Variants in HYDIN observed in about 807,000 individuals in gnomAD.
The protein encoded by HYDIN is HYDIN axonemal central pair apparatus protein.
In HYDIN, 132 loss-of-function variants were observed where a neutral mutation model predicts 403.9. The ratio of observed to expected loss-of-function variants is 0.33; its 90% CI spans 0.28 to 0.38. HYDIN has a LOEUF of 0.38. Ranked by LOEUF, HYDIN falls within the 10% of genes least tolerant of loss-of-function variation. HYDIN has a pLI of 1.00. For synonymous variants in HYDIN, 1,202 were observed against 1,891.7 expected (o/e 0.64, Z 9.46); for missense variants, 2,827 against 5,009.5 (o/e 0.56, Z 13.15).
chr16:70,945,674 G>A (rs1330883624), intron 41 of HYDIN, among the ~76,000 whole-genome samples: 5 of 152,192 alleles, frequency 3.3e-5, no homozygotes, highest in Admixed American at 1.3e-4. Flanking sequence ...TTGCTAATGA[G>A]GTAGAAGGGA....
At position 70,906,312 on chromosome 16, in the gene HYDIN, T is replaced by C. The variant is rs537871063; in HGVS notation, c.8516+1060A>G. On this transcript the variant is annotated intron_variant, in intron 50 of 85. Coordinates refer to ENST00000393567, the MANE Select transcript of HYDIN (RefSeq NM_001270974.2). ...TCTATTTCCTCAAGATTTTAAACTT[T>C]CGCCACTCCCCTCACTTGCAATGGA... Among the ~76,000 whole-genome samples the C allele has an allele frequency of 9.2e-5, 14 of 151,748 alleles. No homozygotes were observed. The South Asian group carries it at 2.3e-3, about 25-fold the overall frequency.
At chr16:70,831,267 T>C (rs1597066680) in intron 80 of HYDIN, among the ~76,000 whole-genome samples, 1 of 151,878 alleles carries the variant, frequency 6.6e-6, no homozygotes, top group African/African-American at 2.4e-5. Context: ...CCCAGCACTT[T>C]GGGAGGCCAA....
At chr16:70,978,266 T>A in intron 30 of HYDIN, among the ~76,000 whole-genome samples, 1 of 150,884 alleles carries the variant, frequency 6.6e-6, no homozygotes, top group African/African-American at 2.4e-5. Context: ...TCTTGACCAT[T>A]CCACTTCTGG....
chr16:71,141,189 G>T (rs1263309757), intron 7 of HYDIN, among the ~76,000 whole-genome samples: 1 of 148,292 alleles, frequency 6.7e-6, no homozygotes, highest in African/African-American at 2.5e-5. Flanking sequence ...ATGCACACTG[G>T]AATTTAGTAT....
At chr16:71,151,395 G>T (rs1231421563) in intron 7 of HYDIN, among the ~76,000 whole-genome samples, 1 of 151,784 alleles carries the variant, frequency 6.6e-6, no homozygotes, top group Non-Finnish European at 1.5e-5. Flanking sequence ...CAGCAACTCT[G>T]AACTACACTC....
At position 71,129,717 on chromosome 16, in the gene HYDIN, T is replaced by C; in HGVS notation, c.1150A>G (p.Thr384Ala). Residue 384 changes from threonine to alanine, a missense_variant, in exon 9 of 86, where the codon ACC becomes GCC. By Grantham distance (58) the Thr-to-Ala change is moderately conservative (BLOSUM62 0). Coordinates refer to ENST00000393567, the MANE Select transcript of HYDIN (RefSeq NM_001270974.2). ...ACCAGCCTCCTCTGATTCGCAAAGG[T>C]TCGGGACAGAACAGAAAGATGTTCT... ...LREHLSVLSR[T>A]FANQRRLVQG... The C allele has an allele frequency of 6.2e-7, 1 of 1,614,172 alleles. No homozygotes were observed.
At chr16:71,107,114 A>G (rs1597792777) in intron 10 of HYDIN, among the ~76,000 whole-genome samples, 1 of 140,162 alleles carries the variant, frequency 7.1e-6, no homozygotes, top group East Asian at 2.3e-4. Context: ...ATGAGAACAC[A>G]TGGACACAGG....
chr16:70,863,133 A>T lies in HYDIN; in HGVS notation c.11521T>A (p.Ser3841Thr). Residue 3841 changes from serine to threonine, a missense_variant, in exon 68 of 86, where the codon TCA becomes ACA. Transcript: ENST00000393567. ...GRVQLEFSWVSEDTSKAVSFA... is the reference protein window; with the variant it reads ...GRVQLEFSWVTEDTSKAVSFA... ...CTGACTGCCTTTGAGGTATCTTCTG[A>T]GACCCAGCTGAATTCCAGCTGGACA... 1 of 1,614,140 alleles carries T rather than the reference A, an allele frequency of 6.2e-7. No individual in the cohort carries two copies. Among genetic ancestry groups the T allele is most frequent in the South Asian group, 1.1e-5 (1 of 91,078 alleles).
chr16:70,903,403 T>C (rs2143761940), intron 52 of HYDIN, among the ~76,000 whole-genome samples: 1 of 125,550 alleles, frequency 8.0e-6, no homozygotes. Flanking sequence ...GGGGGGTCCT[T>C]GGCCCTGCTG....
At chr16:70,829,594 G>A (rs757242985) in intron 81 of HYDIN, 24 bp downstream of exon 81, 1 of 1,597,060 alleles carries the variant, frequency 6.3e-7, no homozygotes, top group Non-Finnish European at 8.6e-7. Context: ...GGAAACCAAT[G>A]GGGGTGGGGG....
At chr16:71,093,328 A>T (rs2144380138) in intron 11 of HYDIN, among the ~76,000 whole-genome samples, 1 of 152,336 alleles carries the variant, frequency 6.6e-6, no homozygotes, top group South Asian at 2.1e-4. Flanking sequence ...AAAGCAGGAA[A>T]GTCTCTTCCA....
At chr16:71,208,395 A>G (rs947827221) in intron 1 of HYDIN, among the ~76,000 whole-genome samples, 1 of 152,216 alleles carries the variant, frequency 6.6e-6, no homozygotes, top group Non-Finnish European at 1.5e-5. Context: ...AATCTCTGGG[A>G]AACAGCTAAG....
At chr16:71,213,193 A>G (rs550900843) in intron 1 of HYDIN, among the ~76,000 whole-genome samples, 5 of 152,290 alleles carry the variant, frequency 3.3e-5, no homozygotes, top group African/African-American at 1.2e-4. Flanking sequence ...GATGCAATTC[A>G]GGCAAAACGA....
At chr16:71,222,889 T>C (rs1457615076) in intron 1 of HYDIN, among the ~76,000 whole-genome samples, 1 of 152,092 alleles carries the variant, frequency 6.6e-6, no homozygotes, top group Non-Finnish European at 1.5e-5. Flanking sequence ...ATGGGAAGAA[T>C]CAACATTGTG....
At position 70,872,122 on chromosome 16, in the gene HYDIN, G is replaced by A. The variant is rs749577224; in HGVS notation, c.11006C>T (p.Ala3669Val). ...GDCHIGHSYN[A>V]SFTVTNHSQV... ...GCTGTGATTTGTGACTGTGAAGCTC[G>A]CATTATAGCTGTGTCCAATGTGGCA... Residue 3669 changes from alanine to valine, a missense_variant, in exon 65 of 86, where the codon GCG (alanine) becomes GTG (valine). Physicochemically the swap from Ala to Val is moderately conservative, Grantham distance 64. Coordinates refer to ENST00000393567, the MANE Select transcript of HYDIN (RefSeq NM_001270974.2). 3.0e-5 allele frequency: 47 copies of A among 1,567,568 alleles called. No homozygotes were observed. The South Asian group carries it at 3.8e-4, about 13-fold the overall frequency.
chr16:70,858,359 C>T (rs62049821), intron 71 of HYDIN, among the ~76,000 whole-genome samples: 3 of 151,232 alleles, frequency 2.0e-5, no homozygotes, highest in African/African-American at 4.9e-5. Context: ...AGCTGGGCCA[C>T]GGCATGCCAT....
rs186395881 is a variant in HYDIN, at chr16:70,802,978, C to T, written c.*4602G>A. 6.1e-4 allele frequency: 93 copies of T among 152,278 alleles called. No individual in the cohort carries two copies. Among genetic ancestry groups the T allele is most frequent in the African/African-American group, 2.1e-3 (89 of 41,546 alleles). 9.4% of individuals were successfully genotyped at this position (152,278 alleles called of 1,614,324 possible). On this transcript the variant is annotated 3_prime_UTR_variant, in exon 86 of 86. Transcript: ENST00000393567. ...TTTTGATGATGGTTGATGAAAAACA[C>T]TGAAAAAATGTAAATCAATGGGAAT...
At chr16:71,061,861 A>AGTGTCT (rs1757792452) in intron 17 of HYDIN, among the ~76,000 whole-genome samples, 1 of 144,022 alleles carries the variant, frequency 6.9e-6, no homozygotes, top group Non-Finnish European at 1.5e-5. Flanking sequence ...CATGTGTGAC[A>AGTGTCT]GTGTGTGTGT....
At chr16:71,092,556 G>A (rs2083143611) in intron 11 of HYDIN, among the ~76,000 whole-genome samples, 1 of 152,050 alleles carries the variant, frequency 6.6e-6, no homozygotes, top group Admixed American at 6.6e-5. Context: ...TCACAAATAG[G>A]TTTTTATTGT....
Sources: allele counts gnomAD v4.1 joint callset (sites outside exome capture counted in the v4.1 genomes callset), GRCh38; gene constraint gnomAD v4.1.1; transcripts MANE v1.5; gene names NCBI Gene and HGNC (gene_info 2026-07-23, HGNC 2026-07-21).